Variants in ANK3 observed in about 807,000 individuals in gnomAD.
The protein encoded by ANK3 is ankyrin-3.
Under a neutral mutation model 370.9 loss-of-function variants are expected in ANK3, and 57 were observed. The observed-to-expected ratio is 0.15, with a 90% CI of 0.12 to 0.19. The LOEUF (loss-of-function observed/expected upper bound fraction) is 0.19. Among genes scored for constraint, ANK3 ranks in the 10% least tolerant of loss-of-function variants. ANK3 has a pLI of 1.00. For missense variants in ANK3, 4,439 were observed against 5,302.1 expected, an observed-to-expected ratio of 0.84 and a Z score of 5.06; for synonymous variants, 1,929 against 1,946.3, an observed-to-expected ratio of 0.99 and a Z score of 0.23.
chr10:60,120,621 A>T (rs975860713), intron 25 of ANK3, among the ~76,000 whole-genome samples: 11 of 65,190 alleles, frequency 1.7e-4, no homozygotes, highest in Non-Finnish European at 4.5e-4. Flanking sequence ...CTCTCTAAGG[A>T]AAAAAAAAAT....
intron 1 of ANK3, among the ~76,000 whole-genome samples, chr10:60,385,451 C>T (rs2062120254): frequency 6.6e-6 from 1 of 151,934 alleles, no homozygotes; most frequent in South Asian, 2.1e-4. Flanking sequence ...TTTCTCCTTC[C>T]CTGCCTCTTC....
intron 42 of ANK3, among the ~76,000 whole-genome samples, chr10:60,046,169 T>C (rs900512255): frequency 6.6e-6 from 1 of 152,226 alleles, no homozygotes; most frequent in Admixed American, 6.5e-5. Flanking sequence ...CACTAAAATT[T>C]GCAACACGTT....
intron 2 of ANK3, among the ~76,000 whole-genome samples, chr10:60,505,521 G>C (rs982565068): frequency 2.0e-5 from 3 of 152,022 alleles, no homozygotes; most frequent in Admixed American, 2.0e-4. Flanking sequence ...GAAATTACAA[G>C]AGACCATATT....
chr10:60,610,427 C>T (rs1016867195), intron 2 of ANK3, among the ~76,000 whole-genome samples: 13 of 151,544 alleles, frequency 8.6e-5, no homozygotes, highest in African/African-American at 2.2e-4. Flanking sequence ...ACAGGAGAAT[C>T]GCTTGAACCT....
At chr10:60,339,250 A>G (rs924780086) in intron 1 of ANK3, among the ~76,000 whole-genome samples, 1 of 152,176 alleles carries the variant, frequency 6.6e-6, no homozygotes, top group African/African-American at 2.4e-5. Flanking sequence ...GAGGCCAATC[A>G]TATTTCTGGA....
At chr10:60,509,163 C>T (rs1243947695) in intron 2 of ANK3, among the ~76,000 whole-genome samples, 1 of 151,874 alleles carries the variant, frequency 6.6e-6, no homozygotes, top group Non-Finnish European at 1.5e-5. Context: ...TGCACATCCT[C>T]AAAAGTATAT....
rs115560322 is a variant in ANK3 at position 60,388,196 on chromosome 10, C to G, written c.114+1229G>C. Among the ~76,000 whole-genome samples, 661 of 152,278 alleles carry G rather than the reference C, an allele frequency of 4.3e-3. 8 individuals carry two copies. The highest frequency in any genetic ancestry group is 0.015 in the African/African-American group (613 of 41,552). Reference sequence around the variant, plus strand: ...AAAATATATTCAAGAAGTTTATTTACAAGAATATCAAAGTAGGAACTATCT... The same window carrying G: ...AAAATATATTCAAGAAGTTTATTTAGAAGAATATCAAAGTAGGAACTATCT... On this transcript the variant is annotated intron_variant, in intron 1 of 43. Transcript: ENST00000280772.
intron 2 of ANK3, among the ~76,000 whole-genome samples, chr10:60,550,976 G>C (rs2077075869): frequency 1.3e-5 from 2 of 152,020 alleles, no homozygotes; most frequent in Admixed American, 6.6e-5. Flanking sequence ...AAATGGTTTA[G>C]TGTATCCTTA....
intron 2 of ANK3, among the ~76,000 whole-genome samples, chr10:60,498,484 G>A (rs778645732): frequency 1.3e-5 from 2 of 152,102 alleles, no homozygotes; most frequent in Non-Finnish European, 2.9e-5. Context: ...GACCTCTTGG[G>A]CCAAAGCAAT....
In ANK3 at chr10:60,084,790, C is replaced by G. The variant is rs1428759125; in HGVS notation, c.3886G>C (p.Gly1296Arg). 4 of 1,575,310 alleles carry G rather than the reference C, an allele frequency of 2.5e-6. No individual in the cohort carries two copies. The highest frequency in any genetic ancestry group is 3.4e-6 in the Non-Finnish European group (4 of 1,162,990). The part of the protein sequence containing the change: ...ADCHQVLETV[G>R]LATQLYRELI... Reference sequence around the variant, plus strand: ...TCTCTGTACAGTTGCGTGGCTAACCCCACAGTTTCTAAAACTTGATGGCAG... The same window carrying G: ...TCTCTGTACAGTTGCGTGGCTAACCGCACAGTTTCTAAAACTTGATGGCAG... The change falls in exon 32 of 44, where the codon GGG becomes CGG. Residue 1296 changes from glycine (G) to arginine (R), a missense_variant. Transcript: ENST00000280772.
chr10:60,355,314 C>G (rs1368848127), intron 1 of ANK3, among the ~76,000 whole-genome samples: 1 of 152,092 alleles, frequency 6.6e-6, no homozygotes, highest in Non-Finnish European at 1.5e-5. Flanking sequence ...AAGTCAACAC[C>G]TTTACTTCCT....
chr10:60,392,949 C>T (rs547201878), upstream of ANK3, among the ~76,000 whole-genome samples: 69 of 151,516 alleles, frequency 4.6e-4, no homozygotes, highest in Non-Finnish European at 7.2e-4. Context: ...ACTCCCTCCC[C>T]CAAAAAAGAA....
intron 2 of ANK3, among the ~76,000 whole-genome samples, chr10:60,424,020 T>C (rs367612693): frequency 5.3e-5 from 8 of 152,214 alleles, no homozygotes; most frequent in African/African-American, 1.9e-4. Context: ...TGTCAAGGAA[T>C]TTTACATTTT....
At chr10:60,591,285 T>TA (rs1474701569) in intron 2 of ANK3, among the ~76,000 whole-genome samples, 1 of 146,118 alleles carries the variant, frequency 6.8e-6, no homozygotes, top group African/African-American at 2.5e-5. Context: ...CATCCGTTAT[T>TA]TTTTATTTTT....
intron 43 of ANK3, among the ~76,000 whole-genome samples, chr10:60,037,342 ATTATT>A (rs1434560610): frequency 1.3e-5 from 2 of 152,082 alleles, no homozygotes; most frequent in Middle Eastern, 3.2e-3. Context: ...CACACAAACA[ATTATT>A]TTATTAAGTT....
At chr10:60,201,708 CTTTTT>C (rs10544317) in intron 12 of ANK3, among the ~76,000 whole-genome samples, 1 of 120,280 alleles carries the variant, frequency 8.3e-6, no homozygotes. Context: ...GAAATCACTT[CTTTTT>C]TTTTTTTTTT....
intron 16 of ANK3, among the ~76,000 whole-genome samples, chr10:60,195,116 G>T (rs556858524): frequency 6.6e-6 from 1 of 152,108 alleles, no homozygotes; most frequent in Non-Finnish European, 1.5e-5. Context: ...GGCCGGGCGC[G>T]GTGTGTCACG....
chr10:60,121,416 G>C (rs2093463923), intron 25 of ANK3, among the ~76,000 whole-genome samples: 1 of 151,618 alleles, frequency 6.6e-6, no homozygotes, highest in South Asian at 2.1e-4. Flanking sequence ...ATAAAGGCAG[G>C]GTGCATGGCA....
chr10:60,253,978 A>C (rs2097702012), intron 7 of ANK3, among the ~76,000 whole-genome samples: 1 of 151,812 alleles, frequency 6.6e-6, no homozygotes, highest in African/African-American at 2.4e-5. Context: ...TGATTTGTAT[A>C]ATAAGAGGAA....
Sources: gnomAD v4.1 joint callset for allele counts (sites outside exome capture counted in the v4.1 genomes callset) on GRCh38, gnomAD v4.1.1 for gene constraint, MANE v1.5 for transcripts, NCBI Gene and HGNC (gene_info 2026-07-23, HGNC 2026-07-21) for gene names.